The following PRR5 variants were observed in gnomAD, a reference collection of about 807,000 sequenced individuals.
PRR5 encodes proline rich 5.
Under a neutral mutation model 30.6 loss-of-function variants are expected in PRR5, and 25 were observed. The observed-to-expected ratio is 0.82, with a 90% CI of 0.60 to 1.14. The LOEUF (loss-of-function observed/expected upper bound fraction) is 1.14, where lower values mean the gene tolerates loss of function less well. PRR5 is among the 50% of genes most tolerant of loss of function. The pLI is 0.00. For synonymous variants in PRR5, 286 were observed against 247.1 expected (o/e 1.16, Z -1.48); for missense variants, 600 against 547.1 (o/e 1.10, Z -0.96).
chr22:44,713,255 T>G (rs1928532817), intron 1 of PRR5, among the ~76,000 whole-genome samples: 1 of 152,056 alleles, frequency 6.6e-6, no homozygotes, highest in Non-Finnish European at 1.5e-5. Flanking sequence ...GCTCCTGTCA[T>G]CCGAGGTCCA....
chr22:44,727,580 GC>G, intron 4 of PRR5, among the ~76,000 whole-genome samples: 1 of 152,316 alleles, frequency 6.6e-6, no homozygotes, highest in African/African-American at 2.4e-5. Context: ...ACGGTGTCCT[GC>G]CCAGGCCACA....
intron 4 of PRR5, among the ~76,000 whole-genome samples, chr22:44,729,026 A>G (rs11912628): frequency 0.026 from 3,978 of 152,266 alleles, 163 homozygotes; most frequent in African/African-American, 0.088. Flanking sequence ...GCTGCAGCCA[A>G]GCAACTCCTT....
At chr22:44,719,400 A>G (rs1929594507) in intron 2 of PRR5, among the ~76,000 whole-genome samples, 1 of 152,224 alleles carries the variant, frequency 6.6e-6, no homozygotes, top group Non-Finnish European at 1.5e-5. Context: ...ATCTTAACAA[A>G]TAAGTCACTC....
upstream of PRR5, among the ~76,000 whole-genome samples, chr22:44,675,251 A>AAAAAAAAG (rs1395027972): frequency 3.2e-4 from 8 of 25,310 alleles, no homozygotes; most frequent in Non-Finnish European, 4.4e-4. Context: ...CGCTGTCTCA[A>AAAAAAAAG]AAAAAAAAGA....
In PRR5 at chr22:44,731,780, G is replaced by C; in HGVS notation, c.373G>C (p.Asp125His). ...LAETWDFFFS[D>H]VLPMLQAIFY... Reference sequence around the variant, plus strand: ...AGAGACCTGGGACTTCTTCTTCAGTGACGTGCTGCCCATGCTGCAGGCCAT... The same window carrying C: ...AGAGACCTGGGACTTCTTCTTCAGTCACGTGCTGCCCATGCTGCAGGCCAT... The change falls in exon 5 of 8, where the codon GAC (aspartate) becomes CAC (histidine). Residue 125 changes from aspartate (D) to histidine (H), a missense_variant. Asp to His is a moderately conservative substitution (Grantham distance 81). Transcript: ENST00000336985. The C allele has an allele frequency of 6.2e-7, 1 of 1,613,724 alleles. No homozygotes were observed. Among genetic ancestry groups the C allele is most frequent in the South Asian group, 1.1e-5 (1 of 91,090 alleles).
intron 7 of PRR5, among the ~76,000 whole-genome samples, chr22:44,736,387 G>A (rs1359870657): frequency 6.6e-6 from 1 of 152,238 alleles, no homozygotes; most frequent in Non-Finnish European, 1.5e-5. Context: ...AGCTCCAGTG[G>A]GGCAGGGGCT....
Position 44,736,962 on chromosome 22 carries a change from C to T in PRR5, c.882C>T (p.Gly294=), listed in dbSNP as rs1281393063. The T allele has an allele frequency of 6.2e-6, 10 of 1,602,780 alleles. No individual in the cohort carries two copies. The highest frequency in any genetic ancestry group is 2.2e-5 in the East Asian group (1 of 44,610). ...SEMTSCPEPQ[G]FSDPPGQGPT... ...TGACGTCCTGCCCCGAGCCTCAGGG[C>T]TTCTCCGACCCGCCCGGCCAGGGCC... Residue 294 remains glycine, a synonymous_variant, in exon 8 of 8, where the codon GGC becomes GGT. Coordinates refer to ENST00000336985, the MANE Select transcript of PRR5 (RefSeq NM_181333.4).
intron 1 of PRR5, among the ~76,000 whole-genome samples, chr22:44,682,870 T>G (rs2146948410): frequency 6.6e-6 from 1 of 152,328 alleles, no homozygotes; most frequent in East Asian, 1.9e-4. Context: ...GCGGGAGGTC[T>G]GGACAGTACT....
intron 6 of PRR5, among the ~76,000 whole-genome samples, chr22:44,732,831 A>G (rs1214294110): frequency 2.1e-5 from 3 of 141,594 alleles, no homozygotes; most frequent in Non-Finnish European, 4.6e-5. Context: ...GTGCACGCAC[A>G]TACTACACAC....
At chr22:44,674,428 G>A (rs1856369938), upstream of PRR5, among the ~76,000 whole-genome samples, 1 of 152,086 alleles carries the variant, frequency 6.6e-6, no homozygotes, top group African/African-American at 2.4e-5. Context: ...CTGAGGTCAA[G>A]AGTTCAAGAC....
At chr22:44,725,983 T>C (rs1920938108) in intron 3 of PRR5, among the ~76,000 whole-genome samples, 1 of 152,200 alleles carries the variant, frequency 6.6e-6, no homozygotes, top group Non-Finnish European at 1.5e-5. Context: ...ACATTTCATA[T>C]TGGTGGCATA....
At chr22:44,736,676 C>T in intron 7 of PRR5, 96 bp from the exon 8 acceptor site, 3 of 1,480,226 alleles carry the variant, frequency 2.0e-6, no homozygotes, top group Non-Finnish European at 2.7e-6. Flanking sequence ...TGCAGCTGCC[C>T]CTGCACAGGG....
At chr22:44,671,549 C>T (rs940164503) in intron 1 of PRR5, among the ~76,000 whole-genome samples, 1 of 151,910 alleles carries the variant, frequency 6.6e-6, no homozygotes, top group African/African-American at 2.4e-5. Flanking sequence ...TCTGGTGGCC[C>T]AGCAGGAGGA....
At chr22:44,736,724 G>A (rs564741534) in intron 7 of PRR5, 48 bp from the exon 8 acceptor site, 61 of 1,512,200 alleles carry the variant, frequency 4.0e-5, no homozygotes, top group African/African-American at 2.8e-4. Flanking sequence ...CAAGGCGGGC[G>A]GGGACCCAGG....
intron 2 of PRR5, among the ~76,000 whole-genome samples, chr22:44,721,001 T>C (rs141365874): frequency 2.4e-4 from 36 of 152,268 alleles, no homozygotes; most frequent in Non-Finnish European, 4.1e-4. Flanking sequence ...TGTTCACTTA[T>C]TCCTTCGTCA....
chr22:44,730,234 C>T, intron 4 of PRR5: 2 of 985,228 alleles, frequency 2.0e-6, no homozygotes, highest in South Asian at 9.4e-5. Flanking sequence ...CCCATGGAAA[C>T]CTCAAAGCAG....
At position 44,689,876 on chromosome 22, in the gene PRR5, T is replaced by G. The variant is rs977473115; in HGVS notation, c.-10-12616T>G. On this transcript the variant is annotated intron_variant, in intron 1 of 8. Transcript: ENST00000006251. Reference sequence around the variant, plus strand: ...GTTGGTCAGGCTGGTCTCGAACTCCTGACCTCAAGTGATCTGCCCGCCTCG... The same window carrying G: ...GTTGGTCAGGCTGGTCTCGAACTCCGGACCTCAAGTGATCTGCCCGCCTCG... Among the ~76,000 whole-genome samples the G allele has an allele frequency of 2.0e-5, 3 of 152,236 alleles. No homozygotes were observed. In the South Asian group the frequency reaches 6.2e-4, roughly 32 times the overall value.
At position 44,731,726 on chromosome 22, in the gene PRR5, A is replaced by G. The variant is rs757268328; in HGVS notation, c.323-4A>G. ...CCCAGTGGTGATGGCCCCCATGCCC[A>G]CAGGACAGAAGCTGCTGGACTCACT... On this transcript the variant is annotated splice_region_variant and splice_polypyrimidine_tract_variant and intron_variant, in intron 4 of 7. Transcript: ENST00000336985. The G allele has an allele frequency of 4.3e-6, 7 of 1,613,660 alleles. No homozygotes were observed. The highest frequency in any genetic ancestry group is 5.1e-6 in the Non-Finnish European group (6 of 1,179,968).
intron 2 of PRR5, among the ~76,000 whole-genome samples, chr22:44,723,054 C>G (rs4823251): frequency 0.22 from 32,829 of 150,804 alleles, 4,226 homozygotes; most frequent in African/African-American, 0.35. Flanking sequence ...GGTGCGATCT[C>G]AGCCCGCTGC....
Sources: gnomAD v4.1 joint callset for allele counts (sites outside exome capture counted in the v4.1 genomes callset) on GRCh38, gnomAD v4.1.1 for gene constraint, MANE v1.5 for transcripts, NCBI Gene and HGNC (gene_info 2026-07-23, HGNC 2026-07-21) for gene names.